WDR17: variants seen among roughly 807,000 people sequenced by gnomAD.
WDR17 encodes the protein WD repeat-containing protein 17.
WDR17 carries 143 observed loss-of-function variants against 161.7 expected under a neutral mutation model. That is an observed-to-expected ratio of 0.88 (90% confidence interval 0.77 to 1.02). WDR17 has a LOEUF of 1.02. WDR17 is among the 50% of genes least tolerant of loss of function. The pLI, the probability that WDR17 is intolerant of heterozygous loss-of-function variation, is 0.00. For synonymous variants in WDR17, 517 were observed against 515.6 expected, an observed-to-expected ratio of 1.00 and a Z score of -0.04; for missense variants, 1,469 against 1,520.9, an observed-to-expected ratio of 0.97 and a Z score of 0.57.
chr4:176,071,615 T>G (rs973376295), intron 1 of WDR17, among the ~76,000 whole-genome samples: 3 of 152,184 alleles, frequency 2.0e-5, no homozygotes, highest in Non-Finnish European at 4.4e-5. Context: ...ACACCCGGCC[T>G]TTCCCTTTTC....
chr4:176,127,817 A>G (rs1345649136), intron 5 of WDR17, among the ~76,000 whole-genome samples: 2 of 152,142 alleles, frequency 1.3e-5, no homozygotes, highest in Non-Finnish European at 2.9e-5. Flanking sequence ...TCCCGGATAC[A>G]CACATGTGCA....
intron 16 of WDR17, among the ~76,000 whole-genome samples, chr4:176,151,162 G>A (rs745748972): frequency 1.3e-5 from 2 of 152,180 alleles, no homozygotes; most frequent in African/African-American, 4.8e-5. Flanking sequence ...TTTCCATGAA[G>A]AGGAAGTTAC....
intron 6 of WDR17, among the ~76,000 whole-genome samples, chr4:176,131,161 A>G (rs1227456540): frequency 4.6e-5 from 7 of 152,146 alleles, no homozygotes; most frequent in Admixed American, 2.6e-4. Flanking sequence ...TATTTATATT[A>G]AAAGAAAAAA....
At chr4:176,140,084 C>T (rs749665734) in intron 10 of WDR17, 110 bp downstream of exon 10, 23 of 814,878 alleles carry the variant, frequency 2.8e-5, no homozygotes, top group Non-Finnish European at 3.7e-5. Context: ...TCTACCAACT[C>T]TCAGAGGCGT....
chr4:176,118,460 T>C (rs1168877410), intron 3 of WDR17, among the ~76,000 whole-genome samples: 1 of 152,166 alleles, frequency 6.6e-6, no homozygotes, highest in Non-Finnish European at 1.5e-5. Flanking sequence ...CATTCATTCA[T>C]TCAGCAAATA....
chr4:176,173,123 A>T, intron 24 of WDR17, 144 bp from the exon 25 acceptor site: 1 of 550,124 alleles, frequency 1.8e-6, no homozygotes. Context: ...CTGAGAGAGG[A>T]TAAATAGGAA....
Position 176,131,581 on chromosome 4 carries a change from A to C in WDR17, c.941A>C (p.His314Pro). Residue 314 changes from histidine (H) to proline (P), a missense_variant, in exon 7 of 29, where the codon CAT becomes CCT. Coordinates refer to ENST00000508596, the MANE Select transcript of WDR17 (RefSeq NM_181265.4). ...KFSVQSPTKN[H>P]YTSSTSEAVP... ...TCAGTCCAATCTCCAACCAAAAATC[A>C]TTATACATCCTCAACAAGCGAAGCA... is the stretch of plus-strand genomic sequence containing the variant. The C allele has an allele frequency of 6.2e-7, 1 of 1,608,800 alleles. No individual in the cohort carries two copies. Among genetic ancestry groups the C allele is most frequent in the Non-Finnish European group, 8.5e-7 (1 of 1,177,790 alleles).
chr4:176,075,127 A>G (rs1031697879), intron 1 of WDR17, among the ~76,000 whole-genome samples: 4 of 151,900 alleles, frequency 2.6e-5, no homozygotes, highest in African/African-American at 9.7e-5. Flanking sequence ...CTCTTTTCAT[A>G]TTAAGATGTT....
chr4:176,130,263 A>G (rs1345764676), intron 6 of WDR17, among the ~76,000 whole-genome samples: 2 of 152,050 alleles, frequency 1.3e-5, no homozygotes, highest in Non-Finnish European at 2.9e-5. Flanking sequence ...AGAAAAACCA[A>G]TGATGGATTA....
At chr4:176,140,853 A>T (rs963310057) in intron 10 of WDR17, among the ~76,000 whole-genome samples, 2 of 152,140 alleles carry the variant, frequency 1.3e-5, no homozygotes, top group Non-Finnish European at 2.9e-5. Flanking sequence ...TAATTGATAG[A>T]TACCAAAATA....
intron 11 of WDR17, among the ~76,000 whole-genome samples, chr4:176,143,171 G>T (rs1033094874): frequency 6.6e-6 from 1 of 152,184 alleles, no homozygotes; most frequent in Admixed American, 6.5e-5. Flanking sequence ...GAGCCACCAC[G>T]CCCGGCCTTA....
intron 1 of WDR17, among the ~76,000 whole-genome samples, chr4:176,106,309 A>G (rs1404190565): frequency 1.3e-5 from 2 of 151,888 alleles, no homozygotes; most frequent in Non-Finnish European, 2.9e-5. Context: ...TAAAATAGAG[A>G]CTTCAGAACT....
At chr4:176,154,732 T>C (rs892494060) in intron 17 of WDR17, among the ~76,000 whole-genome samples, 1 of 152,206 alleles carries the variant, frequency 6.6e-6, no homozygotes. Context: ...AAATTGCCTG[T>C]TTAAAATTTA....
chr4:176,075,842 G>C (rs1733898018), intron 1 of WDR17, among the ~76,000 whole-genome samples: 1 of 151,956 alleles, frequency 6.6e-6, no homozygotes, highest in African/African-American at 2.4e-5. Flanking sequence ...AGCCAGGAGT[G>C]TTAGTGTGTG....
Position 176,142,062 on chromosome 4 carries a change from A to G in WDR17, c.1522A>G (p.Asn508Asp), listed in dbSNP as rs1269210761. Reference sequence around the variant, plus strand: ...AGTGTTTGGTTGTGATTGGAGCCAAAACAATAAGTAAGTGGTTTTTTTTCC... The same window carrying G: ...AGTGTTTGGTTGTGATTGGAGCCAAGACAATAAGTAAGTGGTTTTTTTTCC... ...AAVFGCDWSQ[N>D]NKDMIATGCE... The change falls in exon 11 of 29, where the codon AAC (asparagine) becomes GAC (aspartate). Residue 508 changes from asparagine to aspartate, a missense_variant. Asn to Asp is a conservative substitution (Grantham distance 23). Transcript: ENST00000508596. 1.9e-6 allele frequency: 3 copies of G among 1,609,170 alleles called. No individual in the cohort carries two copies. The highest frequency in any genetic ancestry group is 2.2e-5 in the South Asian group (2 of 89,950).
At chr4:176,105,116 C>CA (rs1337808609) in intron 1 of WDR17, among the ~76,000 whole-genome samples, 1 of 150,944 alleles carries the variant, frequency 6.6e-6, no homozygotes, top group South Asian at 2.1e-4. Flanking sequence ...GATTTTTAGT[C>CA]AAAAAAGTTC....
chr4:176,146,190 C>G, intron 12 of WDR17, 31 bp downstream of exon 12: 1 of 1,597,394 alleles, frequency 6.3e-7, no homozygotes, highest in Non-Finnish European at 8.5e-7. Flanking sequence ...ATTTTCTAGT[C>G]CTTAAAATCA....
At chr4:176,148,817 T>C (rs553467890) in intron 13 of WDR17, among the ~76,000 whole-genome samples, 10 of 152,336 alleles carry the variant, frequency 6.6e-5, no homozygotes, top group Admixed American at 6.5e-4. Context: ...TTTAATATAA[T>C]TAATTGGTTA....
chr4:176,160,404 C>T (rs984553198), intron 19 of WDR17, among the ~76,000 whole-genome samples: 6 of 152,220 alleles, frequency 3.9e-5, no homozygotes, highest in Non-Finnish European at 7.3e-5. Context: ...TCACCACAAC[C>T]TCCACCTCCC....
Sources: gnomAD v4.1 joint callset for allele counts (sites outside exome capture counted in the v4.1 genomes callset) on GRCh38, gnomAD v4.1.1 for gene constraint, MANE v1.5 for transcripts, NCBI Gene and HGNC (gene_info 2026-07-23, HGNC 2026-07-21) for gene names.